Variants in DCAF12 observed in about 807,000 individuals in gnomAD.
DCAF12 encodes DDB1- and CUL4-associated factor 12.
Under a neutral mutation model 52.8 loss-of-function variants are expected in DCAF12, and 28 were observed. The observed-to-expected ratio is 0.53, with a 90% CI of 0.39 to 0.73. The LOEUF (loss-of-function observed/expected upper bound fraction) is 0.73. Ranked by LOEUF, DCAF12 falls within the 30% of genes least tolerant of loss-of-function variation. DCAF12 has a pLI of 0.00. For synonymous variants in DCAF12, 196 were observed against 215.5 expected (o/e 0.91, Z 0.79); for missense variants, 425 against 552.2 (o/e 0.77, Z 2.31).
rs768318809 is a variant in DCAF12, at chr9:34,096,719, A to T, written c.858T>A (p.Ser286=). The T allele has an allele frequency of 1.2e-6, 2 of 1,613,700 alleles. No homozygotes were observed. Among genetic ancestry groups the T allele is most frequent in the Non-Finnish European group, 1.7e-6 (2 of 1,179,650 alleles). ...CACAAAATCATGTTCATCACACCTT[A>T]GATAGTGTATTTTCAGCCTTCCAGA... is the stretch of plus-strand genomic sequence containing the variant. ...FHLWKAENTL[S]KLLSTKLPYC... The change falls in exon 6 of 9, where the codon TCT becomes TCA. Residue 286 remains serine, a synonymous_variant. Transcript: ENST00000361264.
chr9:34,089,609 A>G lies in DCAF12; in HGVS notation c.1025-19T>C, dbSNP rs1564092791. ...CGGATTCCTGAAAGACAGAAAAGTA[A>G]AAGGCAGTGAGGCGGGAGAGAATAT... On this transcript the variant is annotated intron_variant, in intron 7 of 8. Coordinates refer to ENST00000361264, the MANE Select transcript of DCAF12 (RefSeq NM_015397.4). 1 of 1,589,568 alleles carries G rather than the reference A, an allele frequency of 6.3e-7. No homozygotes were observed.
intron 2 of DCAF12, chr9:34,109,426 T>C (rs905162010): frequency 5.1e-6 from 1 of 196,536 alleles, no homozygotes; most frequent in Non-Finnish European, 1.1e-5. Flanking sequence ...CAGGGTGGGA[T>C]GTTACAGACA....
intron 7 of DCAF12, among the ~76,000 whole-genome samples, chr9:34,092,553 G>A (rs189934426): frequency 6.6e-6 from 1 of 152,204 alleles, no homozygotes; most frequent in East Asian, 1.9e-4. Context: ...GGGCGTGGTG[G>A]TGTGTGCCTG....
chr9:34,122,909 C>T (rs548214220), intron 2 of DCAF12, among the ~76,000 whole-genome samples: 21 of 152,334 alleles, frequency 1.4e-4, no homozygotes, highest in African/African-American at 4.8e-4. Flanking sequence ...CTTTTCTTCA[C>T]TTAGCTTTTC....
chr9:34,118,282 C>T (rs1011669915), intron 2 of DCAF12, among the ~76,000 whole-genome samples: 3 of 152,072 alleles, frequency 2.0e-5, no homozygotes, highest in Admixed American at 6.6e-5. Context: ...CACAGGCATG[C>T]GGCATCATGC....
chr9:34,093,092 A>G (rs10971909), intron 7 of DCAF12, among the ~76,000 whole-genome samples, 194 bp downstream of exon 7: 106,553 of 152,074 alleles, frequency 0.7, 38,052 homozygotes, highest in Non-Finnish European at 0.77. Context: ...CAGGTGATCC[A>G]CCCGCCTCGG....
At chr9:34,119,206 C>T (rs1829134637) in intron 2 of DCAF12, among the ~76,000 whole-genome samples, 1 of 152,006 alleles carries the variant, frequency 6.6e-6, no homozygotes, top group Admixed American at 6.6e-5. Flanking sequence ...TCCTTCTCAC[C>T]GTCATTTTAG....
chr9:34,098,468 C>A lies in DCAF12; in HGVS notation c.651G>T (p.Leu217Phe), dbSNP rs746713890. Residue 217 changes from leucine to phenylalanine, a missense_variant, in exon 5 of 9, where the codon TTG (leucine) becomes TTT (phenylalanine). This residue lies in a region of DCAF12 where 328 missense variants were observed against 444.4 expected (regional missense o/e 0.74). Transcript: ENST00000361264. ...CATTGTGTCTCGCATCACTTTTGGTCAAAACATCATCTGTCACCTCCCAGA... is the reference window on the plus strand; with the variant it reads ...CATTGTGTCTCGCATCACTTTTGGTAAAAACATCATCTGTCACCTCCCAGA... Reference protein sequence around the residue: ...MGLWEVTDDVLTKSDARHNVS... With the variant: ...MGLWEVTDDVFTKSDARHNVS... The A allele has an allele frequency of 6.2e-7, 1 of 1,614,102 alleles. No individual in the cohort carries two copies. The highest frequency in any genetic ancestry group is 8.5e-7 in the Non-Finnish European group (1 of 1,180,016).
intron 6 of DCAF12, among the ~76,000 whole-genome samples, chr9:34,095,038 T>G (rs1828713384): frequency 6.6e-6 from 1 of 152,120 alleles, no homozygotes; most frequent in African/African-American, 2.4e-5. Context: ...AAATTTTCCA[T>G]TTGTGGCATT....
In DCAF12 at chr9:34,088,222, C is replaced by G. The variant is rs1281020095; in HGVS notation, c.*128G>C. 2 of 1,080,686 alleles carry G rather than the reference C, an allele frequency of 1.9e-6. No individual in the cohort carries two copies. The highest frequency in any genetic ancestry group is 1.6e-5 in the African/African-American group (1 of 61,354). The allele number at this position is 1,080,686 out of a possible 1,614,324, so 66.9% of individuals were successfully genotyped here. On this transcript the variant is annotated 3_prime_UTR_variant, in exon 9 of 9. Transcript: ENST00000361264. ...AGCTTCTTCCTATTAAGTGCCTAAA[C>G]TATAGGCAAACTTTGGTGTTCCCAC... is the stretch of plus-strand genomic sequence containing the variant.
At chr9:34,091,666 A>C (rs1185970664) in intron 7 of DCAF12, among the ~76,000 whole-genome samples, 1 of 146,530 alleles carries the variant, frequency 6.8e-6, no homozygotes, top group Non-Finnish European at 1.5e-5. Flanking sequence ...AAAAAACCAC[A>C]AAAAACCCAA....
At chr9:34,124,248 A>T (rs1328995019) in intron 2 of DCAF12, among the ~76,000 whole-genome samples, 2 of 152,090 alleles carry the variant, frequency 1.3e-5, no homozygotes, top group African/African-American at 2.4e-5. Flanking sequence ...AAACCGAGGG[A>T]GGGCTGGGCG....
intron 2 of DCAF12, among the ~76,000 whole-genome samples, chr9:34,123,701 T>A (rs547006000): frequency 6.6e-6 from 1 of 152,172 alleles, no homozygotes; most frequent in Admixed American, 6.6e-5. Flanking sequence ...CAAGAGGCTA[T>A]GATGATTAAT....
At chr9:34,091,466 G>C (rs12002910) in intron 7 of DCAF12, among the ~76,000 whole-genome samples, 1 of 151,448 alleles carries the variant, frequency 6.6e-6, no homozygotes, top group African/African-American at 2.4e-5. Context: ...ATGAGAACCT[G>C]TCTCTACAAA....
intron 2 of DCAF12, among the ~76,000 whole-genome samples, chr9:34,113,312 A>C (rs1419358545): frequency 6.6e-6 from 1 of 152,098 alleles, no homozygotes; most frequent in Non-Finnish European, 1.5e-5. Flanking sequence ...TTGGCCTCCG[A>C]AAGTGCTGGG....
At position 34,089,520 on chromosome 9, in the gene DCAF12, A is replaced by G. The variant is rs778555779; in HGVS notation, c.1095T>C (p.Tyr365=). 8.7e-6 allele frequency: 14 copies of G among 1,614,196 alleles called. No individual in the cohort carries two copies. Among genetic ancestry groups the G allele is most frequent in the Non-Finnish European group, 1.2e-5 (14 of 1,180,030 alleles). ...VGTGQGSLLF[Y]DIRAQRFLEE... ...CCAGAAATCTCTGAGCTCGGATGTC[A>G]TAGAACAGCAGGGAGCCCTGCCCTG... The change falls in exon 8 of 9, where the codon TAT becomes TAC. Residue 365 remains tyrosine (Y), a synonymous_variant. Transcript: ENST00000361264.
intron 5 of DCAF12, 22 bp downstream of exon 5, chr9:34,098,302 G>A (rs1001720431): frequency 1.0e-5 from 16 of 1,607,740 alleles, no homozygotes; most frequent in Non-Finnish European, 1.3e-5. Flanking sequence ...TACACGTCAG[G>A]GATCCCTACA....
At chr9:34,119,588 T>C (rs1564102898) in intron 2 of DCAF12, among the ~76,000 whole-genome samples, 1 of 152,198 alleles carries the variant, frequency 6.6e-6, no homozygotes, top group Non-Finnish European at 1.5e-5. Flanking sequence ...CTTCCAATTA[T>C]TATCTTGTTA....
intron 8 of DCAF12, 84 bp from the exon 9 acceptor site, chr9:34,088,592 G>A: frequency 1.3e-6 from 2 of 1,488,720 alleles, no homozygotes; most frequent in Non-Finnish European, 1.9e-6. Flanking sequence ...ATGCTTTCTG[G>A]TCTCCTTAAG....
Sources: allele counts gnomAD v4.1 joint callset (sites outside exome capture counted in the v4.1 genomes callset), GRCh38; gene constraint gnomAD v4.1.1; regional missense constraint gnomAD v4.1.1; transcripts MANE v1.5; gene names NCBI Gene and HGNC (gene_info 2026-07-23, HGNC 2026-07-21).